The following CNKSR2 variants were observed in gnomAD, a reference collection of about 807,000 sequenced individuals.
The protein encoded by CNKSR2 is connector enhancer of kinase suppressor of Ras 2, also known as CNK homolog protein 2.
In CNKSR2, 14 loss-of-function variants were observed where a neutral mutation model predicts 84.4. That is an observed-to-expected ratio of 0.17 (90% CI 0.11 to 0.26). The LOEUF (loss-of-function observed/expected upper bound fraction) is 0.26. Among genes scored for constraint, CNKSR2 ranks in the 10% least tolerant of loss-of-function variants. The pLI, the probability that CNKSR2 is intolerant of heterozygous loss-of-function variation, is 1.00. For synonymous variants in CNKSR2, 275 were observed against 277.9 expected, an observed-to-expected ratio of 0.99 and a Z score of 0.10; for missense variants, 485 against 771.2, an observed-to-expected ratio of 0.63 and a Z score of 4.40.
intron 4 of CNKSR2, among the ~76,000 whole-genome samples, chrX:21,465,524 G>T (rs765522477): frequency 9.0e-6 from 1 of 110,705 alleles, no homozygotes; most frequent in African/African-American, 3.3e-5. Flanking sequence ...CATTATCAAA[G>T]GTTTACATAG....
chrX:21,537,216 A>G (rs2091936404), intron 11 of CNKSR2, among the ~76,000 whole-genome samples: 1 of 111,482 alleles, frequency 9.0e-6, no homozygotes, highest in South Asian at 3.7e-4. Flanking sequence ...GTTTTATTTC[A>G]TTATGATCTG....
At chrX:21,520,711 T>A (rs375400375) in intron 9 of CNKSR2, among the ~76,000 whole-genome samples, 2 of 107,701 alleles carry the variant, frequency 1.9e-5, no homozygotes, top group East Asian at 5.8e-4. Flanking sequence ...TTGGTGAGAA[T>A]GCATCTCAGA....
At chrX:21,606,088 G>A (rs971944375) in intron 18 of CNKSR2, among the ~76,000 whole-genome samples, 3 of 111,981 alleles carry the variant, frequency 2.7e-5, no homozygotes, top group African/African-American at 9.7e-5. Context: ...CCTGAGGTCT[G>A]CCAAGTCACT....
chrX:21,457,841 A>G (rs988836623), intron 4 of CNKSR2, among the ~76,000 whole-genome samples: 2 of 111,920 alleles, frequency 1.8e-5, no homozygotes, highest in African/African-American at 6.5e-5. Flanking sequence ...ATGTTTTGTA[A>G]TTTACAAAAC....
chrX:21,641,709 C>T (rs2092692122), intron 20 of CNKSR2: 1 of 1,080,722 alleles, frequency 9.3e-7, no homozygotes, highest in Admixed American at 3.5e-5. Flanking sequence ...AAAATGGCCT[C>T]GTCCTTGCTG....
At chrX:21,598,237 A>G (rs1186818058) in intron 17 of CNKSR2, among the ~76,000 whole-genome samples, 1 of 111,105 alleles carries the variant, frequency 9.0e-6, no homozygotes, top group East Asian at 2.8e-4. Context: ...GTCTGTGTAA[A>G]ATCTGTGGGG....
intron 11 of CNKSR2, among the ~76,000 whole-genome samples, chrX:21,537,235 C>T (rs1217005401): frequency 9.0e-6 from 1 of 111,564 alleles, no homozygotes; most frequent in Non-Finnish European, 1.9e-5. Context: ...TGAAAAGATA[C>T]TTGATAGAAT....
chrX:21,425,942 A>G (rs1372729581), intron 1 of CNKSR2: 3 of 112,731 alleles, frequency 2.7e-5, no homozygotes, highest in Non-Finnish European at 5.6e-5. Context: ...ACAAAATCAA[A>G]TAAAGGATTT....
intron 1 of CNKSR2, among the ~76,000 whole-genome samples, chrX:21,381,764 A>G (rs970338145): frequency 1.9e-4 from 21 of 111,488 alleles, no homozygotes; most frequent in African/African-American, 6.9e-4. Flanking sequence ...TTTGCACTTA[A>G]TATGTTCCCT....
intron 3 of CNKSR2, among the ~76,000 whole-genome samples, chrX:21,433,737 T>C (rs1430993799): frequency 9.2e-6 from 1 of 109,039 alleles, no homozygotes; most frequent in Non-Finnish European, 1.9e-5. Context: ...TGAGGCCTTA[T>C]ATTAAAAGTA....
intron 2 of CNKSR2, 21 bp from the exon 3 acceptor site, chrX:21,432,591 T>G (rs987779446): frequency 9.7e-7 from 1 of 1,027,689 alleles, no homozygotes; most frequent in African/African-American, 1.9e-5. Context: ...AAATATATTC[T>G]CTCTCTTTTT....
At chrX:21,426,337 C>T (rs2090563885) in intron 1 of CNKSR2, 160 bp from the exon 2 acceptor site, 5 of 442,368 alleles carry the variant, frequency 1.1e-5, no homozygotes, top group Non-Finnish European at 1.9e-5. Flanking sequence ...CACTGTAGCC[C>T]ATATGTAGGT....
In CNKSR2 at chrX:21,563,415, T is replaced by A. The variant is rs201995473; in HGVS notation, c.1571T>A (p.Ile524Asn). The change falls in exon 13 of 22, where the codon ATC (isoleucine) becomes AAC (asparagine). Residue 524 changes from isoleucine (I) to asparagine (N), a missense_variant. Physicochemically the swap from Ile to Asn is moderately radical, Grantham distance 149 (BLOSUM62 -3). Coordinates refer to ENST00000379510, the MANE Select transcript of CNKSR2 (RefSeq NM_014927.5). ...CAAATGGATGCACTGAGACAAGACATCATGGGCACTCCTGTGCCAGAGACC... is the reference window on the plus strand; with the variant it reads ...CAAATGGATGCACTGAGACAAGACAACATGGGCACTCCTGTGCCAGAGACC... ...SLQMDALRQD[I>N]MGTPVPETTL... 9 of 1,207,973 alleles carry A rather than the reference T, an allele frequency of 7.5e-6. No homozygotes were observed. The highest frequency in any genetic ancestry group is 1.0e-5 in the Non-Finnish European group (9 of 893,670).
chrX:21,497,159 G>A (rs185708660), intron 6 of CNKSR2, among the ~76,000 whole-genome samples: 2 of 111,069 alleles, frequency 1.8e-5, no homozygotes, highest in Admixed American at 1.9e-4. Context: ...GTGGAATCTT[G>A]TCCTTTTTAC....
At chrX:21,446,702 C>A (rs1015203738) in intron 4 of CNKSR2, among the ~76,000 whole-genome samples, 1 of 110,941 alleles carries the variant, frequency 9.0e-6, no homozygotes, top group Non-Finnish European at 1.9e-5. Context: ...CCTGCCAAAG[C>A]GCTTTTAAAG....
intron 2 of CNKSR2, among the ~76,000 whole-genome samples, chrX:21,431,088 A>C (rs2147064606): frequency 8.9e-6 from 1 of 112,003 alleles, no homozygotes; most frequent in Admixed American, 9.5e-5. Context: ...GGTAACATAC[A>C]TAACTTGGTA....
chrX:21,501,691 A>T (rs2091561816), intron 8 of CNKSR2, 103 bp downstream of exon 8: 1 of 384,487 alleles, frequency 2.6e-6, no homozygotes, highest in Non-Finnish European at 4.5e-6. Flanking sequence ...TATACAAAAT[A>T]TTGAACAGCC....
intron 1 of CNKSR2, among the ~76,000 whole-genome samples, chrX:21,382,653 G>A (rs1442291212): frequency 1.8e-5 from 2 of 110,871 alleles, no homozygotes; most frequent in African/African-American, 6.5e-5. Flanking sequence ...TGTTAATTGG[G>A]ACGATAAAAT....
chrX:21,478,504 A>G (rs1396031308), intron 5 of CNKSR2, among the ~76,000 whole-genome samples: 1 of 112,200 alleles, frequency 8.9e-6, no homozygotes, highest in African/African-American at 3.2e-5. Context: ...ATATTTATTT[A>G]TATAGGTGTT....
Sources: gnomAD v4.1 joint callset for allele counts (sites outside exome capture counted in the v4.1 genomes callset) on GRCh38, gnomAD v4.1.1 for gene constraint, MANE v1.5 for transcripts, NCBI Gene and HGNC (gene_info 2026-07-23, HGNC 2026-07-21) for gene names.